Variants in AGK observed in about 807,000 individuals in gnomAD.
AGK encodes the protein acylglycerol kinase, mitochondrial.
Under a neutral mutation model 66.4 loss-of-function variants are expected in AGK, and 52 were observed. That is an observed-to-expected ratio of 0.78 (90% CI 0.63 to 0.99). The LOEUF (loss-of-function observed/expected upper bound fraction) is 0.99. Ranked by LOEUF, AGK falls within the 50% of genes least tolerant of loss-of-function variation. The pLI, the probability that AGK is intolerant of heterozygous loss-of-function variation, is 0.00. For missense variants in AGK, 451 were observed against 506.6 expected, an observed-to-expected ratio of 0.89 and a Z score of 1.05; for synonymous variants, 182 against 181.1, an observed-to-expected ratio of 1.00 and a Z score of -0.04.
At position 141,555,529 on chromosome 7, in the gene AGK, G is replaced by A; in HGVS notation, c.63G>A (p.Leu21=). Residue 21 remains leucine (L), a synonymous_variant, in exon 2 of 16, where the codon CTG becomes CTA. Coordinates refer to ENST00000649286, the MANE Select transcript of AGK (RefSeq NM_018238.4). The surrounding 1 kb of genome is among the most constrained non-coding windows in gnomAD (Gnocchi z 4.2). ...AGAAAACTACAGCTGGGCTCTGCCT[G>A]CTGACCTGGGGAGGCCATTGGCTCT... ...HWKKTTAGLC[L]LTWGGHWLYG... is the part of the protein sequence containing the mutation. 1.2e-6 allele frequency: 2 copies of A among 1,614,068 alleles called. No homozygotes were observed. Among genetic ancestry groups the A allele is most frequent in the Non-Finnish European group, 1.7e-6 (2 of 1,179,976 alleles).
intron 2 of AGK, among the ~76,000 whole-genome samples, chr7:141,557,051 C>G (rs1345404337): frequency 1.3e-5 from 2 of 152,318 alleles, no homozygotes; most frequent in Non-Finnish European, 2.9e-5. Flanking sequence ...TGTAGCAACA[C>G]TGAAATCCAG....
intron 9 of AGK, among the ~76,000 whole-genome samples, chr7:141,630,374 AAT>A (rs1469397440): frequency 1.3e-5 from 2 of 152,146 alleles, no homozygotes; most frequent in African/African-American, 4.8e-5. Flanking sequence ...TATAGTTGAT[AAT>A]AACGTATATT....
At chr7:141,651,024 T>C (rs1175122085) in intron 14 of AGK, among the ~76,000 whole-genome samples, 1 of 152,222 alleles carries the variant, frequency 6.6e-6, no homozygotes, top group Non-Finnish European at 1.5e-5. Context: ...CCTCAGTTGG[T>C]TGAATCCACG....
At chr7:141,579,548 A>G (rs1462436007) in intron 2 of AGK, among the ~76,000 whole-genome samples, 1 of 151,928 alleles carries the variant, frequency 6.6e-6, no homozygotes, top group Admixed American at 6.5e-5. Flanking sequence ...TATTGACTCG[A>G]GGCATGTGAG....
At chr7:141,636,350 G>A (rs1409224532) in intron 10 of AGK, among the ~76,000 whole-genome samples, 1 of 152,056 alleles carries the variant, frequency 6.6e-6, no homozygotes, top group Admixed American at 6.5e-5. Context: ...TCTTTTGAAC[G>A]TACACTTGAC....
intron 5 of AGK, among the ~76,000 whole-genome samples, chr7:141,602,679 TC>T (rs1238575942): frequency 6.6e-6 from 1 of 152,070 alleles, no homozygotes; most frequent in Admixed American, 6.6e-5. Context: ...TCATTTCTGA[TC>T]TTTTTTTATT....
intron 13 of AGK, among the ~76,000 whole-genome samples, chr7:141,647,847 T>TTTAC (rs1333008213): frequency 6.6e-6 from 1 of 152,164 alleles, no homozygotes; most frequent in Admixed American, 6.5e-5. Flanking sequence ...GTATTTGTAC[T>TTTAC]TTTAGTAGAG....
chr7:141,578,251 TTGTTCTC>T (rs1795796547), intron 2 of AGK, among the ~76,000 whole-genome samples: 1 of 151,706 alleles, frequency 6.6e-6, no homozygotes, highest in Admixed American at 6.6e-5. Context: ...CAAAGGGGGC[TTGTTCTC>T]TGGCTGGCAG....
intron 2 of AGK, among the ~76,000 whole-genome samples, chr7:141,587,040 G>A (rs556897726): frequency 2.2e-4 from 33 of 152,206 alleles, no homozygotes; most frequent in Admixed American, 9.8e-4. Context: ...ACCCCACCTC[G>A]GATAGACAGA....
intron 13 of AGK, among the ~76,000 whole-genome samples, chr7:141,643,061 TGG>T (rs1797324090): frequency 6.6e-6 from 1 of 152,222 alleles, no homozygotes; most frequent in African/African-American, 2.4e-5. Flanking sequence ...CAGATGGAGT[TGG>T]AATGTCGTGA....
chr7:141,570,850 T>A (rs1795590667), intron 2 of AGK, among the ~76,000 whole-genome samples: 3 of 152,238 alleles, frequency 2.0e-5, no homozygotes, highest in Non-Finnish European at 4.4e-5. Context: ...TTACTGTACA[T>A]TTTGTTCAAA....
rs561582256 is a variant in AGK at position 141,598,615 on chromosome 7, T to A, written c.221+1974T>A. Among the ~76,000 whole-genome samples, 101 of 152,324 alleles carry A rather than the reference T, an allele frequency of 6.6e-4. No homozygotes were observed. The highest frequency in any genetic ancestry group is 2.4e-3 in the African/African-American group (100 of 41,582). Reference sequence around the variant, plus strand: ...TGAGATAATGCTTATTAGGCACTATTTCCATTTCATAATAAGCACACAATG... The same window carrying A: ...TGAGATAATGCTTATTAGGCACTATATCCATTTCATAATAAGCACACAATG... On this transcript the variant is annotated intron_variant, in intron 4 of 15. Coordinates refer to ENST00000649286, the MANE Select transcript of AGK (RefSeq NM_018238.4). This position sits in a 1 kb window ranked among gnomAD's most constrained non-coding sequence, Gnocchi z 4.2.
At position 141,562,432 on chromosome 7, in the gene AGK, T is replaced by C. The variant is rs114592677; in HGVS notation, c.101+6865T>C. On this transcript the variant is annotated intron_variant, in intron 2 of 15. Transcript: ENST00000649286. ...AAAGCTCCCAAGAGTTTCTATATTT[T>C]GTGTTCAGCTACCAGGGCTCATAGA... Among the ~76,000 whole-genome samples, 546 of 152,270 alleles carry C rather than the reference T, an allele frequency of 3.6e-3. 2 individuals are homozygous for C. Among genetic ancestry groups the C allele is most frequent in the African/African-American group, 0.012 (519 of 41,556 alleles).
chr7:141,554,933 C>T (rs1187554261), intron 1 of AGK, among the ~76,000 whole-genome samples: 1 of 152,186 alleles, frequency 6.6e-6, no homozygotes, highest in Non-Finnish European at 1.5e-5. Flanking sequence ...ATTGCCTCTT[C>T]ATTGAGTTTT....
intron 2 of AGK, among the ~76,000 whole-genome samples, chr7:141,564,837 C>T (rs1795436050): frequency 6.6e-6 from 1 of 152,100 alleles, no homozygotes; most frequent in South Asian, 2.1e-4. Context: ...TCAAGCGATT[C>T]TCCTGTCTCA....
intron 2 of AGK, among the ~76,000 whole-genome samples, chr7:141,576,297 A>C (rs1173461867): frequency 2.0e-5 from 3 of 152,144 alleles, no homozygotes; most frequent in Non-Finnish European, 4.4e-5. Context: ...CACCTGAACA[A>C]GGAAGGAGAA....
rs368565785 is a variant in AGK, at chr7:141,633,940, C to T, written c.628C>T (p.Arg210Ter). Residue 210 changes from arginine to a stop codon, truncating the protein, a stop_gained, in exon 10 of 16, where the codon CGA (arginine) becomes TGA (stop). Coordinates refer to ENST00000649286, the MANE Select transcript of AGK (RefSeq NM_018238.4). LOFTEE classifies it high-confidence loss of function. ...GCCTGTATTTGCAATGACCGGCCTT[C>T]GATGGGGATCTTTCAGAGATGCTGG... ...EQPVFAMTGL[R>*]WGSFRDAGVK... 8.1e-6 allele frequency: 13 copies of T among 1,613,860 alleles called. No homozygotes were observed. The highest frequency in any genetic ancestry group is 2.2e-5 in the East Asian group (1 of 44,890).
chr7:141,568,129 A>G (rs1247558179), intron 2 of AGK, among the ~76,000 whole-genome samples: 1 of 152,212 alleles, frequency 6.6e-6, no homozygotes, highest in Non-Finnish European at 1.5e-5. Context: ...AGAGACTGCC[A>G]GTGGGAAGGG....
chr7:141,616,136 GTTA>G (rs1442677855), intron 8 of AGK: 2 of 152,144 alleles, frequency 1.3e-5, no homozygotes, highest in Admixed American at 6.5e-5. Context: ...GCAAATTGTT[GTTA>G]TTATTGTTCT....
Sources: allele counts gnomAD v4.1 joint callset (sites outside exome capture counted in the v4.1 genomes callset), GRCh38; gene constraint gnomAD v4.1.1; non-coding constraint Gnocchi (gnomAD v3.1); transcripts MANE v1.5; gene names NCBI Gene and HGNC (gene_info 2026-07-23, HGNC 2026-07-21).